Variants in PPM1L observed in about 807,000 individuals in gnomAD.
PPM1L encodes the protein protein phosphatase 1L.
PPM1L carries 13 observed loss-of-function variants against 31.4 expected under a neutral mutation model. The observed-to-expected ratio is 0.41, with a 90% confidence interval of 0.27 to 0.66. The LOEUF is 0.66. Ranked by LOEUF, PPM1L falls within the 30% of genes least tolerant of loss-of-function variation. PPM1L has a pLI of 0.29. For missense variants in PPM1L, 326 were observed against 453.7 expected (o/e 0.72, Z 2.56); for synonymous variants, 184 against 175.4 (o/e 1.05, Z -0.39).
chr3:160,834,358 G>C (rs1713625739), intron 1 of PPM1L, among the ~76,000 whole-genome samples: 1 of 151,880 alleles, frequency 6.6e-6, no homozygotes, highest in South Asian at 2.1e-4. Context: ...GCTTGTTTTT[G>C]TCAGGTTTGT....
chr3:160,910,529 G>A (rs1713935760), intron 1 of PPM1L, among the ~76,000 whole-genome samples: 1 of 152,040 alleles, frequency 6.6e-6, no homozygotes, highest in South Asian at 2.1e-4. Flanking sequence ...CCAGCCTCAA[G>A]TGAACTTCTG....
At chr3:161,041,478 T>C (rs959188092) in intron 2 of PPM1L, among the ~76,000 whole-genome samples, 3 of 152,210 alleles carry the variant, frequency 2.0e-5, no homozygotes, top group Non-Finnish European at 2.9e-5. Flanking sequence ...TTATTGATGA[T>C]GTTTTCTTTC....
intron 1 of PPM1L, among the ~76,000 whole-genome samples, chr3:160,898,634 C>T (rs1297878829): frequency 6.6e-6 from 1 of 152,154 alleles, no homozygotes; most frequent in Non-Finnish European, 1.5e-5. Flanking sequence ...GATAACTTGC[C>T]GTCAGTTCTG....
At chr3:160,921,422 G>C (rs1714399223) in intron 1 of PPM1L, among the ~76,000 whole-genome samples, 1 of 152,050 alleles carries the variant, frequency 6.6e-6, no homozygotes, top group Non-Finnish European at 1.5e-5. Context: ...ACTACTTTAG[G>C]CTTTTCAGTT....
In PPM1L at chr3:160,764,873, T is replaced by C. The variant is rs1295861878; in HGVS notation, c.399+8166T>C. Among the ~76,000 whole-genome samples the C allele has an allele frequency of 6.6e-5, 10 of 152,174 alleles. No homozygotes were observed. The East Asian group carries it at 1.9e-3, about 29-fold the overall frequency. ...TTACTCAACTGCTTCCTTATTTGTATACACTTAGGCTCCTCTAACTTCTTA... is the reference window on the plus strand; with the variant it reads ...TTACTCAACTGCTTCCTTATTTGTACACACTTAGGCTCCTCTAACTTCTTA... On this transcript the variant is annotated intron_variant, in intron 1 of 3. Transcript: ENST00000498165.
rs1388255816 is a variant in PPM1L at position 160,920,452 on chromosome 3, G to A, written c.400-41284G>A. Among the ~76,000 whole-genome samples the A allele has an allele frequency of 3.3e-5, 5 of 152,210 alleles. No homozygotes were observed. The East Asian group carries it at 7.7e-4, about 24-fold the overall frequency. On this transcript the variant is annotated intron_variant, in intron 1 of 3. Transcript: ENST00000498165. ...TGGATAAAACCTGAAGACCACCAAAGCCTGTTTACTTTTCCTGCACATAAG... is the reference window on the plus strand; with the variant it reads ...TGGATAAAACCTGAAGACCACCAAAACCTGTTTACTTTTCCTGCACATAAG...
intron 1 of PPM1L, among the ~76,000 whole-genome samples, chr3:160,788,398 T>C (rs1034202272): frequency 3.3e-5 from 5 of 152,132 alleles, no homozygotes; most frequent in African/African-American, 1.2e-4. Flanking sequence ...ATTTTTATTT[T>C]GTGAACTTCT....
chr3:160,835,765 A>T (rs1368422826), intron 1 of PPM1L, among the ~76,000 whole-genome samples: 2 of 152,164 alleles, frequency 1.3e-5, no homozygotes, highest in Admixed American at 1.3e-4. Context: ...GCAGCATATT[A>T]TCATGGATGT....
intron 1 of PPM1L, among the ~76,000 whole-genome samples, chr3:160,837,984 T>G (rs1457848604): frequency 6.6e-6 from 1 of 152,152 alleles, no homozygotes; most frequent in Non-Finnish European, 1.5e-5. Context: ...GACAAATGCT[T>G]ATAGAAGACT....
At chr3:160,777,517 T>C (rs1344712671) in intron 1 of PPM1L, among the ~76,000 whole-genome samples, 1 of 152,180 alleles carries the variant, frequency 6.6e-6, no homozygotes, top group East Asian at 1.9e-4. Context: ...AACAACTCCC[T>C]ATTTTTTCCT....
chr3:160,813,626 C>T (rs1712880573), intron 1 of PPM1L, among the ~76,000 whole-genome samples: 1 of 152,148 alleles, frequency 6.6e-6, no homozygotes, highest in African/African-American at 2.4e-5. Flanking sequence ...AGGTGTGGGC[C>T]ATTGTGCCTG....
intron 2 of PPM1L, among the ~76,000 whole-genome samples, chr3:161,048,214 C>G (rs1203777485): frequency 6.6e-6 from 1 of 152,168 alleles, no homozygotes; most frequent in Non-Finnish European, 1.5e-5. Context: ...TATCCAGAAT[C>G]TACAAAGAAC....
intron 2 of PPM1L, among the ~76,000 whole-genome samples, chr3:160,969,592 C>A (rs1716256858): frequency 6.6e-6 from 1 of 152,130 alleles, no homozygotes; most frequent in South Asian, 2.1e-4. Context: ...GAGTGAATTT[C>A]TCAGTATATT....
At chr3:160,971,947 C>T (rs931123463) in intron 2 of PPM1L, among the ~76,000 whole-genome samples, 1 of 151,970 alleles carries the variant, frequency 6.6e-6, no homozygotes, top group South Asian at 2.1e-4. Flanking sequence ...TAAAATTTTT[C>T]TGTAGAGACG....
chr3:160,904,611 G>T (rs1304398183), intron 1 of PPM1L, among the ~76,000 whole-genome samples: 6 of 152,062 alleles, frequency 3.9e-5, no homozygotes, highest in East Asian at 1.9e-4. Context: ...TATTGACCTT[G>T]CCTTGTTAAG....
At chr3:160,764,673 G>T (rs1227128344) in intron 1 of PPM1L, among the ~76,000 whole-genome samples, 1 of 152,016 alleles carries the variant, frequency 6.6e-6, no homozygotes, top group African/African-American at 2.4e-5. Context: ...TCACCATGTT[G>T]GCCAGGCTGG....
intron 1 of PPM1L, among the ~76,000 whole-genome samples, chr3:160,924,368 C>T (rs13071999): frequency 0.27 from 40,860 of 152,064 alleles, 5,753 homozygotes; most frequent in East Asian, 0.51. Context: ...GACATTAAAA[C>T]GTTTGGCTGT....
chr3:160,813,790 C>CA (rs1560114364), intron 1 of PPM1L, among the ~76,000 whole-genome samples: 1 of 152,144 alleles, frequency 6.6e-6, no homozygotes, highest in African/African-American at 2.4e-5. Context: ...TTTCTGAATT[C>CA]AAAAATATTA....
At chr3:160,939,942 G>A (rs1715105153) in intron 1 of PPM1L, among the ~76,000 whole-genome samples, 1 of 152,176 alleles carries the variant, frequency 6.6e-6, no homozygotes, top group Non-Finnish European at 1.5e-5. Flanking sequence ...GAACCTCCTA[G>A]AGACTTGTTG....
Sources: allele counts gnomAD v4.1 joint callset (sites outside exome capture counted in the v4.1 genomes callset), GRCh38; gene constraint gnomAD v4.1.1; transcripts MANE v1.5; gene names NCBI Gene and HGNC (gene_info 2026-07-23, HGNC 2026-07-21).